GPR179: variants seen among roughly 807,000 people sequenced by gnomAD.
GPR179 encodes probable G protein-coupled receptor 179.
A neutral mutation model predicts 70.8 loss-of-function variants in GPR179; 52 were observed. The ratio of observed to expected loss-of-function variants is 0.73; its 90% CI spans 0.59 to 0.93. GPR179 has a LOEUF of 0.93. Among genes scored for constraint, GPR179 ranks in the 40% least tolerant of loss-of-function variants. GPR179 has a pLI of 0.00. For synonymous variants in GPR179, 1,123 were observed against 1,169.0 expected (o/e 0.96, Z 0.80); for missense variants, 2,734 against 2,966.8 (o/e 0.92, Z 1.82).
chr17:38,333,389 C>T lies in GPR179; in HGVS notation c.1899G>A (p.Lys633=). The T allele has an allele frequency of 1.2e-6, 2 of 1,613,658 alleles. No individual in the cohort carries two copies. Among genetic ancestry groups the T allele is most frequent in the Non-Finnish European group, 1.7e-6 (2 of 1,179,750 alleles). The change falls in exon 10 of 11, where the codon AAG becomes AAA. Residue 633 remains lysine, a synonymous_variant. Transcript: ENST00000616987. Reference sequence around the variant, plus strand: ...TCTCCTCCCGGGGAGGAGCCCCCAGCTTCCAGAACTGGCAGGGGTGCATAA... The same window carrying T: ...TCTCCTCCCGGGGAGGAGCCCCCAGTTTCCAGAACTGGCAGGGGTGCATAA... The part of the protein sequence containing the change: ...LALIFIPKFW[K]LGAPPREEMV...
Position 38,334,137 on chromosome 17 carries a change from C to G in GPR179, c.1785-99G>C. 1.2e-6 allele frequency: 1 copy of G among 847,020 alleles called. No homozygotes were observed. The highest frequency in any genetic ancestry group is 2.0e-6 in the Non-Finnish European group (1 of 497,186). 52.5% of individuals were successfully genotyped at this position (847,020 alleles called of 1,614,324 possible). ...TTTCACCTCAGCCCCAACCCTGATACGCTTAGGACGAGGGGGCATTCTGCC... is the reference window on the plus strand; with the variant it reads ...TTTCACCTCAGCCCCAACCCTGATAGGCTTAGGACGAGGGGGCATTCTGCC... On this transcript the variant is annotated intron_variant, in intron 8 of 10. Coordinates refer to ENST00000616987, the MANE Select transcript of GPR179 (RefSeq NM_001004334.4). This position sits in a 1 kb window ranked among gnomAD's most constrained non-coding sequence, Gnocchi z 4.7.
chr17:38,338,618 C>T (rs944892133), intron 2 of GPR179, among the ~76,000 whole-genome samples: 13 of 152,202 alleles, frequency 8.5e-5, no homozygotes, highest in African/African-American at 3.1e-4. Flanking sequence ...TTCCATCCCT[C>T]CACCTCTAGC....
Position 38,328,149 on chromosome 17 carries a change from T to G in GPR179, c.5420A>C (p.Gln1807Pro), listed in dbSNP as rs2037308728. Reference protein sequence around the residue: ...RPGEVCPWEAQEAATSEKAKI... With the variant: ...RPGEVCPWEAPEAATSEKAKI... ...GGCTTTTTCACTGGTAGCAGCTTCC[T>G]GTGCTTCCCAGGGACACACTTCACC... The change falls in exon 11 of 11, where the codon CAG becomes CCG. Residue 1807 changes from glutamine to proline, a missense_variant. By Grantham distance (76) the Gln-to-Pro change is moderately conservative. Transcript: ENST00000616987. 6.2e-6 allele frequency: 10 copies of G among 1,613,448 alleles called. No individual in the cohort carries two copies. The highest frequency in any genetic ancestry group is 8.5e-6 in the Non-Finnish European group (10 of 1,179,874).
At position 38,327,639 on chromosome 17, in the gene GPR179, G is replaced by A. The variant is rs62073368; in HGVS notation, c.5930C>T (p.Pro1977Leu). ...CTGGGAGCTAGCTTTAGGTTGGTCA[G>A]GGCGCTGTCTGTCTAGGTGAGAGAC... is the stretch of plus-strand genomic sequence containing the variant. ...DSVSHLDRQR[P>L]DQPKASSQRL... Residue 1977 changes from proline to leucine, a missense_variant, in exon 11 of 11, where the codon CCT becomes CTT. Pro to Leu is a moderately conservative substitution (Grantham distance 98). Transcript: ENST00000616987. The A allele has an allele frequency of 1.2e-6, 2 of 1,614,220 alleles. No individual in the cohort carries two copies. Among genetic ancestry groups the A allele is most frequent in the East Asian group, 4.5e-5 (2 of 44,886 alleles).
rs2037382163 is a variant in GPR179 at position 38,334,023 on chromosome 17, G to A, written c.1800C>T (p.Pro600=). The change falls in exon 9 of 11, where the codon CCC becomes CCT. Residue 600 remains proline (P), a synonymous_variant. Coordinates refer to ENST00000616987, the MANE Select transcript of GPR179 (RefSeq NM_001004334.4). The surrounding 1 kb of genome is among the most constrained non-coding windows in gnomAD (Gnocchi z 4.7). ...GGAGGGTCCAGTCCGGGTGCAGAGA[G>A]GGAACCAGCACAAACCTGGGGCGGG... ...AFHTARFVLV[P]SLHPDWTLLL... 6.2e-7 allele frequency: 1 copy of A among 1,613,918 alleles called. No homozygotes were observed. The highest frequency in any genetic ancestry group is 8.5e-7 in the Non-Finnish European group (1 of 1,179,870).
At position 38,328,348 on chromosome 17, in the gene GPR179, T is replaced by G; in HGVS notation, c.5221A>C (p.Arg1741=). Residue 1741 remains arginine, a synonymous_variant, in exon 11 of 11, where the codon AGG becomes CGG. Coordinates refer to ENST00000616987, the MANE Select transcript of GPR179 (RefSeq NM_001004334.4). The part of the protein sequence containing the change: ...TGKVSADLGP[R]ERAVTAPEKP... ...TCTGGAGCAGTAACAGCTCTCTCCC[T>G]GGGTCCAAGATCTGCAGAAACCTTG... 6.2e-7 allele frequency: 1 copy of G among 1,614,026 alleles called. No homozygotes were observed. The highest frequency in any genetic ancestry group is 8.5e-7 in the Non-Finnish European group (1 of 1,180,016).
Position 38,329,990 on chromosome 17 carries a change from C to T in GPR179, c.3579G>A (p.Glu1193=). 1.9e-6 allele frequency: 3 copies of T among 1,614,230 alleles called. No homozygotes were observed. The highest frequency in any genetic ancestry group is 2.5e-6 in the Non-Finnish European group (3 of 1,180,040). The change falls in exon 11 of 11, where the codon GAG becomes GAA. Residue 1193 remains glutamate (E), a synonymous_variant. Coordinates refer to ENST00000616987, the MANE Select transcript of GPR179 (RefSeq NM_001004334.4). Reference sequence around the variant, plus strand: ...TGGCAAGCCCTGTTTTACCTGCTCTCTCAGCTTTCCGTTCCCCTAGACCCT... The same window carrying T: ...TGGCAAGCCCTGTTTTACCTGCTCTTTCAGCTTTCCGTTCCCCTAGACCCT... ...MTQGLGERKA[E]RAGKTGLAML...
chr17:38,329,162 A>G lies in GPR179; in HGVS notation c.4407T>C (p.Asp1469=), dbSNP rs754056973. The change falls in exon 11 of 11, where the codon GAT becomes GAC. Residue 1469 remains aspartate (D), a synonymous_variant. Coordinates refer to ENST00000616987, the MANE Select transcript of GPR179 (RefSeq NM_001004334.4). ...TCTCTGCTTTCTGGATAGCAGGAGC[A>G]TCTCCTGCCTCCCACAGACACACTT... ...IAEVCLWEAG[D]APAIQKAEIC... 4 of 1,613,984 alleles carry G rather than the reference A, an allele frequency of 2.5e-6. No individual in the cohort carries two copies. The highest frequency in any genetic ancestry group is 3.4e-6 in the Non-Finnish European group (4 of 1,180,010).
At position 38,326,512 on chromosome 17, in the gene GPR179, A is replaced by G. The variant is rs776574907; in HGVS notation, c.7057T>C (p.Tyr2353His). 4 of 1,613,810 alleles carry G rather than the reference A, an allele frequency of 2.5e-6. No individual in the cohort carries two copies. In the South Asian group the frequency reaches 3.3e-5, roughly 13 times the overall value. ...DSGQVAFEAQ[Y>H]EEFTPPTVYP... ...ACAGTGGGAGGGGTGAATTCTTCAT[A>G]CTGAGCTTCAAAAGCCACTTGGCCT... is the stretch of plus-strand genomic sequence containing the variant. Residue 2353 changes from tyrosine to histidine, a missense_variant, in exon 11 of 11, where the codon TAT becomes CAT. Transcript: ENST00000616987.
chr17:38,335,187 G>T lies in GPR179; in HGVS notation c.1491C>A (p.Leu497=). ...SGRLLRHLGL[L]LLPVLGFLAV... Reference sequence around the variant, plus strand: ...CCAGGAAGCCCAGCACAGGTAGCAGGAGCAGCCCCAGGTGCCGCAGCAGCC... The same window carrying T: ...CCAGGAAGCCCAGCACAGGTAGCAGTAGCAGCCCCAGGTGCCGCAGCAGCC... Residue 497 remains leucine (L), a synonymous_variant, in exon 7 of 11, where the codon CTC becomes CTA. Transcript: ENST00000616987. 6.4e-7 allele frequency: 1 copy of T among 1,570,662 alleles called. No homozygotes were observed. Among genetic ancestry groups the T allele is most frequent in the Non-Finnish European group, 8.6e-7 (1 of 1,158,362 alleles).
intron 7 of GPR179, 22 bp downstream of exon 7, chr17:38,335,011 G>T: frequency 3.7e-6 from 6 of 1,600,870 alleles, no homozygotes; most frequent in Non-Finnish European, 5.1e-6. Flanking sequence ...GCGTAAGGCT[G>T]GGCTCAGCAG....
In GPR179 at chr17:38,327,733, C is replaced by A; in HGVS notation, c.5836G>T (p.Asp1946Tyr). 6.2e-7 allele frequency: 1 copy of A among 1,614,220 alleles called. No individual in the cohort carries two copies. Among genetic ancestry groups the A allele is most frequent in the Non-Finnish European group, 8.5e-7 (1 of 1,180,038 alleles). The part of the protein sequence containing the change: ...AADTEEFTTE[D>Y]GEKTSHELQS... ...AGCTCATGGCTTGTTTTTTCCCCAT[C>A]TTCAGTAGTGAATTCTTCTGTGTCT... is the stretch of plus-strand genomic sequence containing the variant. The change falls in exon 11 of 11, where the codon GAT becomes TAT. Residue 1946 changes from aspartate to tyrosine, a missense_variant. Physicochemically the swap from Asp to Tyr is radical, Grantham distance 160. Coordinates refer to ENST00000616987, the MANE Select transcript of GPR179 (RefSeq NM_001004334.4).
rs771254829 is a variant in GPR179 at position 38,329,262 on chromosome 17, C to G, written c.4307G>C (p.Arg1436Pro). The G allele has an allele frequency of 1.2e-6, 2 of 1,613,450 alleles. No individual in the cohort carries two copies. The highest frequency in any genetic ancestry group is 1.7e-6 in the Non-Finnish European group (2 of 1,179,676). ...CTGAATTGAGACTGCTGAGGGGCCCCGGAAATCTGTACTCTCCCATGGACA... is the reference window on the plus strand; with the variant it reads ...CTGAATTGAGACTGCTGAGGGGCCCGGGAAATCTGTACTCTCCCATGGACA... ...SLCPWESTDF[R>P]GPSAVSIQAP... is the part of the protein sequence containing the mutation. The change falls in exon 11 of 11, where the codon CGG (arginine) becomes CCG (proline). Residue 1436 changes from arginine to proline, a missense_variant. By Grantham distance (103) the Arg-to-Pro change is moderately radical (BLOSUM62 -2). Transcript: ENST00000616987.
Position 38,326,911 on chromosome 17 carries a change from C to T in GPR179, c.6658G>A (p.Glu2220Lys). The change falls in exon 11 of 11, where the codon GAG (glutamate) becomes AAG (lysine). Residue 2220 changes from glutamate (E) to lysine (K), a missense_variant. Physicochemically the swap from Glu to Lys is moderately conservative, Grantham distance 56. Coordinates refer to ENST00000616987, the MANE Select transcript of GPR179 (RefSeq NM_001004334.4). ...EAGSMGSRMA[E>K]LCQWEITDPE... ...TCTGTGATTTCCCATTGGCACAGCTCTGCCATCCTGCTTCCCATGCTGCCT... is the reference window on the plus strand; with the variant it reads ...TCTGTGATTTCCCATTGGCACAGCTTTGCCATCCTGCTTCCCATGCTGCCT... 3 of 1,614,220 alleles carry T rather than the reference C, an allele frequency of 1.9e-6. No homozygotes were observed. The highest frequency in any genetic ancestry group is 2.5e-6 in the Non-Finnish European group (3 of 1,180,052).
At chr17:38,335,303 C>T (rs1280634105) in intron 6 of GPR179, 32 bp from the exon 7 acceptor site, 8 of 1,501,564 alleles carry the variant, frequency 5.3e-6, no homozygotes, top group Non-Finnish European at 6.3e-6. Context: ...GGGTGGATGG[C>T]AGGGACCTGG....
chr17:38,331,026 TC>T lies in GPR179; in HGVS notation c.2542del (p.Glu848LysfsTer121). 2 of 1,609,832 alleles carry T rather than the reference TC, an allele frequency of 1.2e-6. No individual in the cohort carries two copies. The highest frequency in any genetic ancestry group is 2.2e-5 in the South Asian group (2 of 91,014). On this transcript the variant is annotated frameshift_variant, in exon 11 of 11. Coordinates refer to ENST00000616987, the MANE Select transcript of GPR179 (RefSeq NM_001004334.4). LOFTEE classifies it low-confidence loss of function (END_TRUNC). ...CTGGCTGGCCATGAGCAAGGCCTTTTCCCTGGAGCTGGCCACACTGAGCGAC... is the reference window on the plus strand; with the variant it reads ...CTGGCTGGCCATGAGCAAGGCCTTTTCCTGGAGCTGGCCACACTGAGCGAC... ...QKSLSVASSR[E>X]KALLMASQAY...
rs770775330 is a variant in GPR179 at position 38,328,905 on chromosome 17, G to C, written c.4664C>G (p.Ser1555Cys). The change falls in exon 11 of 11, where the codon TCC (serine) becomes TGC (cysteine). Residue 1555 changes from serine (S) to cysteine (C), a missense_variant. Ser to Cys is a moderately radical substitution (Grantham distance 112). Transcript: ENST00000616987. Reference protein sequence around the residue: ...HSSPCLDNSSSKAGSQFLCNG... With the variant: ...HSSPCLDNSSCKAGSQFLCNG... ...GCATAGGAATTGGCTACCAGCTTTGGATGAGGAATTGTCTAGACATGGGCT... is the reference window on the plus strand; with the variant it reads ...GCATAGGAATTGGCTACCAGCTTTGCATGAGGAATTGTCTAGACATGGGCT... 16 of 1,613,972 alleles carry C rather than the reference G, an allele frequency of 9.9e-6. No homozygotes were observed. The highest frequency in any genetic ancestry group is 1.6e-4 in the Middle Eastern group (1 of 6,084).
rs2037269807 is a variant in GPR179, at chr17:38,324,798, C to T, written c.*1667G>A. Among the ~76,000 whole-genome samples the T allele has an allele frequency of 6.6e-6, 1 of 152,300 alleles. No individual in the cohort carries two copies. Among genetic ancestry groups the T allele is most frequent in the East Asian group, 1.9e-4 (1 of 5,182 alleles). On this transcript the variant is annotated 3_prime_UTR_variant, in exon 11 of 11. Transcript: ENST00000616987. The stretch of plus-strand genomic sequence containing the variant: ...CTGCTCCAAAAGCCCAGAATAAGGG[C>T]CCTAGGTAAGAGAATGAGGACATCT...
chr17:38,334,550 G>A lies in GPR179; in HGVS notation c.1784+154C>T, dbSNP rs922102895. Reference sequence around the variant, plus strand: ...CATGGAGTACAGAAGGGGCATCTGGGGGGTAGGGAGAGAGCCAGAAGTGGG... The same window carrying A: ...CATGGAGTACAGAAGGGGCATCTGGAGGGTAGGGAGAGAGCCAGAAGTGGG... On this transcript the variant is annotated intron_variant, in intron 8 of 10. Transcript: ENST00000616987. The surrounding 1 kb of genome is among the most constrained non-coding windows in gnomAD (Gnocchi z 4.7). 2.6e-5 allele frequency among the ~76,000 whole-genome samples: 4 copies of A among 151,968 alleles called. No homozygotes were observed. Among genetic ancestry groups the A allele is most frequent in the African/African-American group, 9.7e-5 (4 of 41,348 alleles).
Sources: allele counts gnomAD v4.1 joint callset (sites outside exome capture counted in the v4.1 genomes callset), GRCh38; gene constraint gnomAD v4.1.1; non-coding constraint Gnocchi (gnomAD v3.1); transcripts MANE v1.5; gene names NCBI Gene and HGNC (gene_info 2026-07-23, HGNC 2026-07-21).